Variants in PRLR observed in about 807,000 individuals in gnomAD.
The protein encoded by PRLR is hPRL receptor.
A neutral mutation model predicts 40.2 loss-of-function variants in PRLR; 13 were observed. The observed-to-expected ratio is 0.32, with a 90% CI of 0.21 to 0.51. PRLR has a LOEUF of 0.51. PRLR is among the 20% of genes least tolerant of loss of function. The pLI is 0.97. For synonymous variants in PRLR, 269 were observed against 278.7 expected (o/e 0.97, Z 0.35); for missense variants, 656 against 747.3 (o/e 0.88, Z 1.42).
At chr5:35,096,210 A>G (rs1186776019) in intron 2 of PRLR, among the ~76,000 whole-genome samples, 3 of 152,262 alleles carry the variant, frequency 2.0e-5, no homozygotes, top group Non-Finnish European at 4.4e-5. Context: ...GAGTCACTTT[A>G]ATAACACAGA....
intron 1 of PRLR, among the ~76,000 whole-genome samples, chr5:35,224,159 G>A (rs939711406): frequency 2.0e-5 from 3 of 152,072 alleles, no homozygotes; most frequent in East Asian, 1.9e-4. Flanking sequence ...GAAAACTGCC[G>A]CCATTTTCTC....
At chr5:35,133,773 A>G (rs983101457) in intron 1 of PRLR, among the ~76,000 whole-genome samples, 3 of 152,220 alleles carry the variant, frequency 2.0e-5, no homozygotes, top group African/African-American at 7.2e-5. Flanking sequence ...CCTGTGGGCT[A>G]CCAAAAATAC....
intron 2 of PRLR, among the ~76,000 whole-genome samples, chr5:35,100,774 C>A (rs1771829433): frequency 6.6e-6 from 1 of 152,158 alleles, no homozygotes; most frequent in Admixed American, 6.5e-5. Flanking sequence ...TACATATTCC[C>A]CCCTCTATTT....
At position 35,060,959 on chromosome 5, in the gene PRLR, T is replaced by G. The variant is rs539232138; in HGVS notation, c.*4130A>C. ...CCAAATCACAGCCAGCCTCAATTTC[T>G]TATCAGGCAAAGTAAGTCACACTAT... On this transcript the variant is annotated 3_prime_UTR_variant, in exon 10 of 10. Coordinates refer to ENST00000618457, the MANE Select transcript of PRLR (RefSeq NM_000949.7). 6.6e-6 allele frequency: 1 copy of G among 152,178 alleles called. No individual in the cohort carries two copies. Among genetic ancestry groups the G allele is most frequent in the African/African-American group, 2.4e-5 (1 of 41,434 alleles). The allele number at this position is 152,178 out of a possible 1,614,324, so 9.4% of individuals were successfully genotyped here.
At chr5:35,105,754 T>G (rs1454775228) in intron 2 of PRLR, among the ~76,000 whole-genome samples, 1 of 152,198 alleles carries the variant, frequency 6.6e-6, no homozygotes, top group Non-Finnish European at 1.5e-5. Context: ...GTCTGATTGG[T>G]GTACCTGAAA....
chr5:35,089,634 T>C lies in PRLR; in HGVS notation c.-14A>G, dbSNP rs1174960484. ...ATTTTCCTTCATGTTGGCTGCCTTC[T>C]CTTGCTGCAGGAAATGTATCAGAAG... On this transcript the variant is annotated 5_prime_UTR_variant, in exon 3 of 10. Transcript: ENST00000618457. 2 of 1,613,906 alleles carry C rather than the reference T, an allele frequency of 1.2e-6. No individual in the cohort carries two copies. The highest frequency in any genetic ancestry group is 3.3e-5 in the Admixed American group (2 of 60,006).
rs766745510 is a variant in PRLR, at chr5:35,065,211, G to C, written c.1747C>G (p.Leu583Val). 1.3e-5 allele frequency: 21 copies of C among 1,614,082 alleles called. No individual in the cohort carries two copies. The highest frequency in any genetic ancestry group is 1.5e-5 in the Non-Finnish European group (18 of 1,180,040). Residue 583 changes from leucine to valine, a missense_variant, in exon 10 of 10, where the codon CTT (leucine) becomes GTT (valine). Physicochemically the swap from Leu to Val is conservative, Grantham distance 32. Coordinates refer to ENST00000618457, the MANE Select transcript of PRLR (RefSeq NM_000949.7). Reference protein sequence around the residue: ...EESAKEAPPSLEQNQAEKALA... With the variant: ...EESAKEAPPSVEQNQAEKALA... The stretch of plus-strand genomic sequence containing the variant: ...GCTTTCTCAGCTTGATTCTGTTCAA[G>C]TGATGGTGGGGCCTCTTTGGCTGAT...
At chr5:35,070,841 CAAAA>C (rs34668616) in intron 6 of PRLR, among the ~76,000 whole-genome samples, 1 of 69,168 alleles carries the variant, frequency 1.4e-5, no homozygotes, top group African/African-American at 5.0e-5. Flanking sequence ...AACTCCGTCT[CAAAA>C]AAAAAAAAAA....
intron 1 of PRLR, among the ~76,000 whole-genome samples, chr5:35,171,144 T>C (rs1774985288): frequency 6.6e-6 from 1 of 151,984 alleles, no homozygotes; most frequent in Non-Finnish European, 1.5e-5. Context: ...TCACTGATGC[T>C]AAAACCACTC....
At chr5:35,068,332 T>C in intron 8 of PRLR, 47 bp from the exon 9 acceptor site, 1 of 1,542,990 alleles carries the variant, frequency 6.5e-7, no homozygotes, top group Non-Finnish European at 9.0e-7. Flanking sequence ...TTTCTGACTT[T>C]GTAATTTTTG....
At chr5:35,068,726 C>A in intron 8 of PRLR, 53 bp downstream of exon 8, 2 of 1,277,952 alleles carry the variant, frequency 1.6e-6, no homozygotes, top group African/African-American at 1.6e-5. Flanking sequence ...TTTTTTTTGT[C>A]ATTATCCTTG....
At chr5:35,168,703 A>C (rs1311327540) in intron 1 of PRLR, among the ~76,000 whole-genome samples, 1 of 152,188 alleles carries the variant, frequency 6.6e-6, no homozygotes, top group African/African-American at 2.4e-5. Context: ...AGGCTGAGCA[A>C]TGATTGTTCT....
chr5:35,086,563 GTGT>G (rs1770864330), intron 3 of PRLR, among the ~76,000 whole-genome samples: 2 of 140,784 alleles, frequency 1.4e-5, no homozygotes, highest in African/African-American at 5.1e-5. Flanking sequence ...TTTTGCTGGT[GTGT>G]GTGTGTGTGT....
At chr5:35,214,730 C>T (rs910561681) in intron 1 of PRLR, among the ~76,000 whole-genome samples, 4 of 152,224 alleles carry the variant, frequency 2.6e-5, no homozygotes, top group Non-Finnish European at 4.4e-5. Flanking sequence ...CTTCTAACCT[C>T]ACAGGCTAAC....
rs943131676 is a variant in PRLR at position 35,055,837 on chromosome 5, A to G, written c.*9252T>C. 1.4e-4 allele frequency: 22 copies of G among 152,358 alleles called. No individual in the cohort carries two copies. Among genetic ancestry groups the G allele is most frequent in the African/African-American group, 4.8e-4 (20 of 41,592 alleles). The allele number at this position is 152,358 out of a possible 1,614,324, so 9.4% of individuals were successfully genotyped here. ...GCAACAATATCAATATTGATTATAT[A>G]AAGTAAAACTACTGGCAAACGTCAT... On this transcript the variant is annotated 3_prime_UTR_variant, in exon 10 of 10. Coordinates refer to ENST00000618457, the MANE Select transcript of PRLR (RefSeq NM_000949.7).
At position 35,065,470 on chromosome 5, in the gene PRLR, C is replaced by A. The variant is rs779497983; in HGVS notation, c.1488G>T (p.Gln496His). 18 of 1,614,038 alleles carry A rather than the reference C, an allele frequency of 1.1e-5. No homozygotes were observed. In the South Asian group the frequency reaches 1.9e-4, roughly 17 times the overall value. ...TAGCGGAGCCAAAGGGGGTTTTCTC[C>A]TGGGGCAGCAGCCAGGGCGTATCCT... ...TDQDTPWLLP[Q>H]EKTPFGSAKP... is the part of the protein sequence containing the mutation. The change falls in exon 10 of 10, where the codon CAG (glutamine) becomes CAT (histidine). Residue 496 changes from glutamine to histidine, a missense_variant. Physicochemically the swap from Gln to His is conservative, Grantham distance 24. Around this residue, in one of 3 missense-constraint regions of PRLR, gnomAD observed 469 missense variants for 491.5 expected, o/e 0.95. Coordinates refer to ENST00000618457, the MANE Select transcript of PRLR (RefSeq NM_000949.7).
rs1438067143 is a variant in PRLR, at chr5:35,118,155, G to T, written c.-105-33C>A. 1.1e-5 allele frequency: 11 copies of T among 966,390 alleles called. No individual in the cohort carries two copies. In the African/African-American group the frequency reaches 1.6e-4, roughly 14 times the overall value. 59.9% of individuals were successfully genotyped at this position (966,390 alleles called of 1,614,324 possible). A position where few individuals can be genotyped will look rare whatever the true frequency, so the allele number is the denominator to read the frequency against. On this transcript the variant is annotated intron_variant, in intron 1 of 9. Transcript: ENST00000618457. ...AGGAAATGATTCATTTTAGCTCCAA[G>T]ATGACAAAACGGGAGATTCCATTTC...
In PRLR at chr5:35,076,531, T is replaced by C. The variant is rs147516040; in HGVS notation, c.374-3787A>G. Among the ~76,000 whole-genome samples the C allele has an allele frequency of 2.2e-3, 333 of 152,212 alleles. 1 individual carries two copies. Among genetic ancestry groups the C allele is most frequent in the African/African-American group, 7.7e-3 (318 of 41,546 alleles). ...AAAGAAATGAACAAGGCCTCCAAGA[T>C]ATACGGGACTATGTGAAAAGACCAA... On this transcript the variant is annotated intron_variant, in intron 5 of 9. Transcript: ENST00000618457.
rs376243873 is a variant in PRLR at position 35,073,046 on chromosome 5, G to C, written c.374-302C>G. Among the ~76,000 whole-genome samples the C allele has an allele frequency of 3.0e-3, 453 of 152,234 alleles. 1 individual carries two copies. Among genetic ancestry groups the C allele is most frequent in the African/African-American group, 0.01 (427 of 41,528 alleles). ...TCCCCATAATTTTCATGATGACAGA[G>C]ACCAGGTGATAAAAACTGGGCTGGG... On this transcript the variant is annotated intron_variant, in intron 5 of 9. Coordinates refer to ENST00000618457, the MANE Select transcript of PRLR (RefSeq NM_000949.7).
Sources: allele counts gnomAD v4.1 joint callset (sites outside exome capture counted in the v4.1 genomes callset), GRCh38; gene constraint gnomAD v4.1.1; regional missense constraint gnomAD v4.1.1; transcripts MANE v1.5; gene names NCBI Gene and HGNC (gene_info 2026-07-23, HGNC 2026-07-21).